Variants in SDSL observed in about 807,000 individuals in gnomAD.
The protein encoded by SDSL is serine dehydratase like.
Under a neutral mutation model 27.6 loss-of-function variants are expected in SDSL, and 26 were observed. The observed-to-expected ratio is 0.94, with a 90% CI of 0.69 to 1.31. The LOEUF is 1.31. Among genes scored for constraint, SDSL ranks in the 50% most tolerant of loss-of-function variants. The pLI, the probability that SDSL is intolerant of heterozygous loss-of-function variation, is 0.00. For missense variants in SDSL, 431 were observed against 423.5 expected (o/e 1.02, Z -0.16); for synonymous variants, 196 against 180.6 (o/e 1.09, Z -0.69).
Position 113,434,221 on chromosome 12 carries a change from T to C in SDSL, c.442T>C (p.Trp148Arg). The change falls in exon 5 of 8, where the codon TGG becomes CGG. Residue 148 changes from tryptophan (W) to arginine (R), a missense_variant and splice_region_variant. Transcript: ENST00000403593. Reference protein sequence around the residue: ...NVPPFDHPLIWKGHASLVQEL... With the variant: ...NVPPFDHPLIRKGHASLVQEL... Reference sequence around the variant, plus strand: ...CCCCCCGTTTGACCACCCCCTAATATGGTAAGGCTGACGCCCCTCTCCCCA... The same window carrying C: ...CCCCCCGTTTGACCACCCCCTAATACGGTAAGGCTGACGCCCCTCTCCCCA... The C allele has an allele frequency of 6.2e-7, 1 of 1,609,310 alleles. No individual in the cohort carries two copies. The highest frequency in any genetic ancestry group is 8.5e-7 in the Non-Finnish European group (1 of 1,177,106).
chr12:113,433,463 A>C (rs1440508846), intron 4 of SDSL, among the ~76,000 whole-genome samples: 1 of 152,188 alleles, frequency 6.6e-6, no homozygotes, highest in Admixed American at 6.5e-5. Context: ...GGTCCCTGAA[A>C]TGAGGACTGG....
In SDSL at chr12:113,434,132, A is replaced by T; in HGVS notation, c.355-2A>T. Reference sequence around the variant, plus strand: ...TTCTGAGGGCCCTTGGTTTCTCTGTAGGTCTGGGACGAGGCCAATCTGAGG... The same window carrying T: ...TTCTGAGGGCCCTTGGTTTCTCTGTTGGTCTGGGACGAGGCCAATCTGAGG... On this transcript the variant is annotated splice_acceptor_variant, in intron 4 of 7. Coordinates refer to ENST00000403593, the MANE Select transcript of SDSL (RefSeq NM_001304993.2). LOFTEE classifies it high-confidence loss of function. 6.2e-7 allele frequency: 1 copy of T among 1,612,758 alleles called. No individual in the cohort carries two copies. The highest frequency in any genetic ancestry group is 8.5e-7 in the Non-Finnish European group (1 of 1,179,346).
At chr12:113,436,349 C>A (rs1162723708) in intron 6 of SDSL, among the ~76,000 whole-genome samples, 1 of 151,088 alleles carries the variant, frequency 6.6e-6, no homozygotes, top group Non-Finnish European at 1.5e-5. Flanking sequence ...AGTGCAATGG[C>A]GCGATCTCAG....
Sources: allele counts gnomAD v4.1 joint callset (sites outside exome capture counted in the v4.1 genomes callset), GRCh38; gene constraint gnomAD v4.1.1; transcripts MANE v1.5; gene names NCBI Gene and HGNC (gene_info 2026-07-23, HGNC 2026-07-21).